Variants in FOXP1 observed in about 807,000 individuals in gnomAD.
FOXP1 encodes forkhead box P1, also known as forkhead box protein P1.
FOXP1 carries 15 observed loss-of-function variants against 98.2 expected under a neutral mutation model. The observed-to-expected ratio is 0.15, with a 90% CI of 0.10 to 0.24. The LOEUF is 0.24. Ranked by LOEUF, FOXP1 falls within the 10% of genes least tolerant of loss-of-function variation. FOXP1 has a pLI of 1.00. For synonymous variants in FOXP1, 371 were observed against 314.5 expected (o/e 1.18, Z -1.90); for missense variants, 633 against 848.5 (o/e 0.75, Z 3.15).
intron 7 of FOXP1, among the ~76,000 whole-genome samples, chr3:71,083,617 T>C (rs2054698953): frequency 6.6e-6 from 1 of 152,180 alleles, no homozygotes; most frequent in African/African-American, 2.4e-5. Context: ...GCTGTAAGTA[T>C]GTGAAGCAGG....
chr3:71,353,308 C>T (rs552439162), intron 4 of FOXP1, among the ~76,000 whole-genome samples: 39 of 152,304 alleles, frequency 2.6e-4, no homozygotes, highest in Admixed American at 5.2e-4. Context: ...AAGCATCCCG[C>T]GTAAACTGCC....
chr3:71,498,646 T>A (rs933013231), intron 2 of FOXP1, among the ~76,000 whole-genome samples: 2 of 152,168 alleles, frequency 1.3e-5, no homozygotes, highest in Admixed American at 6.5e-5. Flanking sequence ...ACAGACAACA[T>A]GCTCATCACG....
intron 7 of FOXP1, among the ~76,000 whole-genome samples, chr3:71,084,868 A>G (rs1035006490): frequency 6.6e-6 from 1 of 152,194 alleles, no homozygotes; most frequent in Non-Finnish European, 1.5e-5. Context: ...CCCCGTCTCT[A>G]CTAAAAACAC....
chr3:71,350,126 C>G (rs1487933430), intron 4 of FOXP1, among the ~76,000 whole-genome samples: 1 of 152,140 alleles, frequency 6.6e-6, no homozygotes, highest in Non-Finnish European at 1.5e-5. Flanking sequence ...AATGTTTCAT[C>G]ATCAGGATAT....
intron 5 of FOXP1, among the ~76,000 whole-genome samples, chr3:71,260,783 C>T (rs2069064249): frequency 6.6e-6 from 1 of 151,954 alleles, no homozygotes. Context: ...ACCTTGTGAT[C>T]CGCCCGCCTC....
chr3:71,266,133 G>A (rs1425120338), intron 5 of FOXP1, among the ~76,000 whole-genome samples: 1 of 152,164 alleles, frequency 6.6e-6, no homozygotes, highest in South Asian at 2.1e-4. Context: ...GAGAGAAAGA[G>A]AGTACATAGG....
At chr3:71,436,470 C>T (rs1049430251) in intron 3 of FOXP1, among the ~76,000 whole-genome samples, 7 of 84,746 alleles carry the variant, frequency 8.3e-5, no homozygotes, top group African/African-American at 3.4e-4. Flanking sequence ...CTGCAGTCCA[C>T]ATTTCAAATA....
rs559763210 is a variant in FOXP1 at position 71,200,949 on chromosome 3, A to G, written c.-11-2557T>C. Among the ~76,000 whole-genome samples, 4 of 152,340 alleles carry G rather than the reference A, an allele frequency of 2.6e-5. No homozygotes were observed. In the East Asian group the frequency reaches 7.7e-4, roughly 29 times the overall value. Reference sequence around the variant, plus strand: ...TGATCCAACTTGATACAGACTCTTCATAAACCCAAAGACGTATATATTTTT... The same window carrying G: ...TGATCCAACTTGATACAGACTCTTCGTAAACCCAAAGACGTATATATTTTT... On this transcript the variant is annotated intron_variant, in intron 5 of 20. Transcript: ENST00000649528.
intron 5 of FOXP1, among the ~76,000 whole-genome samples, chr3:71,268,050 A>ATTTTAAAATTATT (rs1434648514): frequency 1.4e-5 from 2 of 140,390 alleles, no homozygotes; most frequent in Non-Finnish European, 3.1e-5. Context: ...TGCTTTAATG[A>ATTTTAAAATTATT]TTTTAAAATT....
At chr3:71,081,737 C>G (rs765847195) in intron 7 of FOXP1, among the ~76,000 whole-genome samples, 1 of 152,208 alleles carries the variant, frequency 6.6e-6, no homozygotes, top group African/African-American at 2.4e-5. Flanking sequence ...ACCAAAGGCA[C>G]AAGACAAGAT....
chr3:71,286,553 G>GACATTAAT (rs1312609714), intron 5 of FOXP1, among the ~76,000 whole-genome samples: 1 of 152,040 alleles, frequency 6.6e-6, no homozygotes, highest in African/African-American at 2.4e-5. Context: ...GCATGTGCTG[G>GACATTAAT]GACAAGAGAA....
At chr3:70,992,156 C>T (rs2040700848) in intron 13 of FOXP1, among the ~76,000 whole-genome samples, 1 of 152,152 alleles carries the variant, frequency 6.6e-6, no homozygotes, top group Admixed American at 6.5e-5. Flanking sequence ...AACAGTGAGG[C>T]TTGGAAGTAG....
At chr3:71,405,169 G>A (rs1360415567) in intron 3 of FOXP1, among the ~76,000 whole-genome samples, 1 of 152,296 alleles carries the variant, frequency 6.6e-6, no homozygotes, top group East Asian at 1.9e-4. Flanking sequence ...TGAGCCTTGG[G>A]TTCAAGTCCA....
rs114624706 is a variant in FOXP1, at chr3:70,990,619, A to G, written c.1063-2542T>C. ...GAGACATTCAATCCGAAGGCCCACT[A>G]AAATTTGGTTGGCAAATTAAAGAGA... On this transcript the variant is annotated intron_variant, in intron 13 of 20. Transcript: ENST00000649528. Among the ~76,000 whole-genome samples, 615 of 152,370 alleles carry G rather than the reference A, an allele frequency of 4.0e-3. 3 individuals are homozygous for G. The highest frequency in any genetic ancestry group is 0.014 in the African/African-American group (595 of 41,586).
intron 5 of FOXP1, among the ~76,000 whole-genome samples, chr3:71,204,227 G>C (rs2063863382): frequency 6.6e-6 from 1 of 152,184 alleles, no homozygotes. Flanking sequence ...AGACCAACCT[G>C]TCTATATTAT....
intron 5 of FOXP1, among the ~76,000 whole-genome samples, chr3:71,273,022 G>C (rs188907548): frequency 3.0e-4 from 46 of 152,260 alleles, no homozygotes; most frequent in African/African-American, 1.1e-3. Flanking sequence ...TTAGGACTAA[G>C]GGGAGGCCTC....
intron 2 of FOXP1, among the ~76,000 whole-genome samples, chr3:71,579,195 T>C (rs900518709): frequency 5.3e-5 from 8 of 152,206 alleles, no homozygotes; most frequent in African/African-American, 1.9e-4. Flanking sequence ...TTCTACTTAA[T>C]TTAAAATAAC....
At chr3:71,290,540 AT>A (rs1260547003) in intron 5 of FOXP1, among the ~76,000 whole-genome samples, 1 of 152,010 alleles carries the variant, frequency 6.6e-6, no homozygotes, top group East Asian at 1.9e-4. Flanking sequence ...CCCAAAGTCT[AT>A]TTTCAAAACA....
intron 3 of FOXP1, among the ~76,000 whole-genome samples, chr3:71,483,847 A>G (rs1560548709): frequency 6.6e-6 from 1 of 151,454 alleles, no homozygotes; most frequent in Non-Finnish European, 1.5e-5. Context: ...ACACAGTAGT[A>G]AAAAAAAATA....
Sources: allele counts gnomAD v4.1 joint callset (sites outside exome capture counted in the v4.1 genomes callset), GRCh38; gene constraint gnomAD v4.1.1; transcripts MANE v1.5; gene names NCBI Gene and HGNC (gene_info 2026-07-23, HGNC 2026-07-21).